Variants in KCNIP1 observed in about 807,000 individuals in gnomAD.
KCNIP1 encodes A-type potassium channel modulatory protein KCNIP1.
KCNIP1 carries 18 observed loss-of-function variants against 33.0 expected under a neutral mutation model. The ratio of observed to expected loss-of-function variants is 0.55; its 90% CI spans 0.38 to 0.81. KCNIP1 has a LOEUF of 0.81. Ranked by LOEUF, KCNIP1 falls within the 30% of genes least tolerant of loss-of-function variation. KCNIP1 has a pLI of 0.00. For synonymous variants in KCNIP1, 93 were observed against 98.3 expected, an observed-to-expected ratio of 0.95 and a Z score of 0.32; for missense variants, 238 against 271.6, an observed-to-expected ratio of 0.88 and a Z score of 0.87.
At chr5:170,445,530 C>T (rs931490569) in intron 1 of KCNIP1, among the ~76,000 whole-genome samples, 4 of 152,196 alleles carry the variant, frequency 2.6e-5, no homozygotes, top group Non-Finnish European at 5.9e-5. Flanking sequence ...TCCAAGTTTC[C>T]TCCTGTTATC....
At chr5:170,661,242 G>C (rs1293730861) in intron 1 of KCNIP1, among the ~76,000 whole-genome samples, 1 of 152,184 alleles carries the variant, frequency 6.6e-6, no homozygotes, top group African/African-American at 2.4e-5. Context: ...AAGCACATGG[G>C]GGGGCCCACA....
intron 1 of KCNIP1, chr5:170,385,314 C>T: frequency 6.2e-7 from 1 of 1,614,080 alleles, no homozygotes; most frequent in Non-Finnish European, 8.5e-7. Flanking sequence ...AGCTCAGTAC[C>T]TTTTCTGGTA....
intron 1 of KCNIP1, among the ~76,000 whole-genome samples, chr5:170,471,546 C>G (rs1211255120): frequency 6.6e-6 from 1 of 152,190 alleles, no homozygotes; most frequent in Non-Finnish European, 1.5e-5. Flanking sequence ...GCCACAGTTA[C>G]TAGTGGCCCA....
intron 1 of KCNIP1, among the ~76,000 whole-genome samples, chr5:170,494,494 C>T (rs955154200): frequency 6.6e-6 from 1 of 152,172 alleles, no homozygotes; most frequent in African/African-American, 2.4e-5. Context: ...CCCACAGGCA[C>T]TCTTGGGAGG....
intron 1 of KCNIP1, among the ~76,000 whole-genome samples, chr5:170,587,709 G>A (rs959590007): frequency 5.3e-5 from 8 of 152,314 alleles, no homozygotes; most frequent in African/African-American, 1.9e-4. Context: ...CTCCTTCTGA[G>A]AAAGACCCTT....
intron 1 of KCNIP1, among the ~76,000 whole-genome samples, chr5:170,454,608 T>C (rs1434082813): frequency 6.6e-6 from 1 of 152,250 alleles, no homozygotes; most frequent in Non-Finnish European, 1.5e-5. Context: ...GATGATCATA[T>C]GAAAAGACAT....
At chr5:170,558,345 C>G (rs183556551) in intron 1 of KCNIP1, among the ~76,000 whole-genome samples, 1 of 152,228 alleles carries the variant, frequency 6.6e-6, no homozygotes, top group East Asian at 1.9e-4. Flanking sequence ...CAAGACCAGC[C>G]TGAGCAACAT....
intron 1 of KCNIP1, among the ~76,000 whole-genome samples, chr5:170,397,804 G>T (rs1431526880): frequency 1.3e-5 from 2 of 152,180 alleles, no homozygotes; most frequent in East Asian, 3.8e-4. Context: ...GGCACATCTT[G>T]GTTTTATACA....
intron 1 of KCNIP1, among the ~76,000 whole-genome samples, chr5:170,588,430 A>G (rs1326458790): frequency 5.3e-5 from 8 of 152,200 alleles, no homozygotes; most frequent in African/African-American, 1.7e-4. Context: ...CTATTTCCCT[A>G]CTGGATTATA....
At chr5:170,490,793 G>C (rs1033599058) in intron 1 of KCNIP1, among the ~76,000 whole-genome samples, 1 of 152,084 alleles carries the variant, frequency 6.6e-6, no homozygotes, top group Non-Finnish European at 1.5e-5. Flanking sequence ...CTCTCCCCAA[G>C]CTCCCTAGGC....
intron 1 of KCNIP1, among the ~76,000 whole-genome samples, chr5:170,386,549 A>C (rs1407414788): frequency 3.9e-5 from 6 of 152,088 alleles, no homozygotes; most frequent in African/African-American, 1.4e-4. Context: ...TCTCACAGGG[A>C]TACTTGGAGT....
rs574381391 is a variant in KCNIP1, at chr5:170,721,097, A to G, written c.256+707A>G. ...CCTGTCACCAAGAGCTGTCTCCTGC[A>G]AGACATCTTCCCTGGATCCTGACAA... On this transcript the variant is annotated intron_variant, in intron 3 of 7. Transcript: ENST00000328939. 7.2e-5 allele frequency among the ~76,000 whole-genome samples: 11 copies of G among 152,322 alleles called. No individual in the cohort carries two copies. In the East Asian group the frequency reaches 2.1e-3, roughly 29 times the overall value.
intron 1 of KCNIP1, among the ~76,000 whole-genome samples, chr5:170,569,670 G>C (rs2113481815): frequency 6.6e-6 from 1 of 152,244 alleles, no homozygotes; most frequent in South Asian, 2.1e-4. Flanking sequence ...CTTGAGCCTG[G>C]AAGTTCAAGG....
intron 1 of KCNIP1, among the ~76,000 whole-genome samples, chr5:170,682,780 G>GTTTTTTTTTT (rs1554111091): frequency 6.7e-5 from 4 of 59,656 alleles, no homozygotes; most frequent in Admixed American, 1.9e-4. Context: ...TATTTTCTTT[G>GTTTTTTTTTT]TTTCTTTTTT....
At chr5:170,449,834 C>G (rs147063497) in intron 1 of KCNIP1, among the ~76,000 whole-genome samples, 42 of 152,100 alleles carry the variant, frequency 2.8e-4, no homozygotes, top group Non-Finnish European at 5.0e-4. Flanking sequence ...TAACTAGAAG[C>G]AGTCATATAG....
At chr5:170,508,704 A>T (rs1481425698) in intron 1 of KCNIP1, among the ~76,000 whole-genome samples, 2 of 152,028 alleles carry the variant, frequency 1.3e-5, no homozygotes. Flanking sequence ...ATGCTCTCCC[A>T]CCCCACCCCT....
intron 1 of KCNIP1, among the ~76,000 whole-genome samples, chr5:170,684,724 G>A (rs1762479567): frequency 6.6e-6 from 1 of 152,102 alleles, no homozygotes; most frequent in South Asian, 2.1e-4. Flanking sequence ...GCCACACAAG[G>A]ACCTGGCATC....
chr5:170,453,854 G>T (rs982763954), intron 1 of KCNIP1, among the ~76,000 whole-genome samples: 1 of 152,158 alleles, frequency 6.6e-6, no homozygotes, highest in Non-Finnish European at 1.5e-5. Context: ...GACGTCCTTG[G>T]TTCTACACAT....
chr5:170,450,528 T>C (rs1028154796), intron 1 of KCNIP1, among the ~76,000 whole-genome samples: 8 of 152,162 alleles, frequency 5.3e-5, no homozygotes, highest in African/African-American at 1.7e-4. Flanking sequence ...TTACTCACCA[T>C]AGGCTAAATT....
Sources: gnomAD v4.1 joint callset for allele counts (sites outside exome capture counted in the v4.1 genomes callset) on GRCh38, gnomAD v4.1.1 for gene constraint, MANE v1.5 for transcripts, NCBI Gene and HGNC (gene_info 2026-07-23, HGNC 2026-07-21) for gene names.